C4orf46: variants seen among roughly 807,000 people sequenced by gnomAD.
The protein encoded by C4orf46 is renal cancer differentiation gene 1 protein.
A neutral mutation model predicts 9.1 loss-of-function variants in C4orf46; 8 were observed. That is an observed-to-expected ratio of 0.88 (90% confidence interval 0.52 to 1.59). The LOEUF (loss-of-function observed/expected upper bound fraction) is 1.59. Ranked by LOEUF, C4orf46 falls within the 40% of genes most tolerant of loss-of-function variation. The probability of loss-of-function intolerance (pLI) is 0.00; values close to 1 mark genes in which losing one functional copy is unlikely to be tolerated. For missense variants in C4orf46, 151 were observed against 139.1 expected (o/e 1.09, Z -0.43); for synonymous variants, 51 against 58.8 (o/e 0.87, Z 0.61).
chr4:158,670,023 CTTTT>C (rs767110704), intron 1 of C4orf46, among the ~76,000 whole-genome samples: 5 of 17,702 alleles, frequency 2.8e-4, no homozygotes, highest in African/African-American at 5.6e-4. Context: ...TAGTTGTTTT[CTTTT>C]TTTTTTTTTT....
At chr4:158,670,023 C>CTTTTTTTTTTTTTTTTTTTTTTTTT (rs767110704) in intron 1 of C4orf46, among the ~76,000 whole-genome samples, 2 of 17,676 alleles carry the variant, frequency 1.1e-4, no homozygotes, top group African/African-American at 2.2e-4. Context: ...TAGTTGTTTT[C>CTTTTTTTTTTTTTTTTTTTTTTTTT]TTTTTTTTTT....
At chr4:158,670,858 C>T (rs1773514602) in intron 1 of C4orf46, among the ~76,000 whole-genome samples, 1 of 152,146 alleles carries the variant, frequency 6.6e-6, no homozygotes, top group South Asian at 2.1e-4. Context: ...TTGACCCACT[C>T]AAGAGAACAT....
At position 158,668,143 on chromosome 4, in the gene C4orf46, T is replaced by TAC. The variant is rs1386497939; in HGVS notation, c.*1468_*1469dup. Reference sequence around the variant, plus strand: ...ATACACGGATTTTCTTGAAATCATTTACCTTTCCTATATCTTTGAAATATG... The same window carrying TAC: ...ATACACGGATTTTCTTGAAATCATTTACACCTTTCCTATATCTTTGAAATATG... On this transcript the variant is annotated 3_prime_UTR_variant, in exon 2 of 2. Coordinates refer to ENST00000379205, the MANE Select transcript of C4orf46 (RefSeq NM_001008393.4). 4 of 152,422 alleles carry TAC rather than the reference T, an allele frequency of 2.6e-5. No homozygotes were observed. Among genetic ancestry groups the TAC allele is most frequent in the African/African-American group, 9.6e-5 (4 of 41,462 alleles). The allele number at this position is 152,422 out of a possible 1,614,324, so 9.4% of individuals were successfully genotyped here. A position where few individuals can be genotyped will look rare whatever the true frequency, so the allele number is the denominator to read the frequency against.
chr4:158,669,823 T>C, intron 1 of C4orf46, 55 bp from the exon 2 acceptor site: 1 of 1,443,262 alleles, frequency 6.9e-7, no homozygotes, highest in Non-Finnish European at 9.4e-7. Flanking sequence ...TCTCATTTTA[T>C]AAGCAGGCTG....
chr4:158,672,032 T>C, upstream of C4orf46: 3 of 554,056 alleles, frequency 5.4e-6, no homozygotes, highest in Non-Finnish European at 9.6e-6. Context: ...GAGCCTCCAA[T>C]CGATCTCGAA....
chr4:158,671,878 A>G lies in C4orf46; in HGVS notation c.-77T>C. 1.6e-6 allele frequency: 2 copies of G among 1,243,090 alleles called. No individual in the cohort carries two copies. The highest frequency in any genetic ancestry group is 2.2e-6 in the Non-Finnish European group (2 of 924,150). 77.0% of individuals were successfully genotyped at this position (1,243,090 alleles called of 1,614,324 possible). A position where few individuals can be genotyped will look rare whatever the true frequency, so the allele number is the denominator to read the frequency against. ...ACTGTCTTTTAACCACTCGCGCCCAAAGCCGAAAGGCCCCGCCTCCTAACG... is the reference window on the plus strand; with the variant it reads ...ACTGTCTTTTAACCACTCGCGCCCAGAGCCGAAAGGCCCCGCCTCCTAACG... On this transcript the variant is annotated 5_prime_UTR_variant, in exon 1 of 2. Transcript: ENST00000379205.
rs1471453019 is a variant in C4orf46 at position 158,668,868 on chromosome 4, C to T, written c.*745G>A. 1 of 152,084 alleles carries T rather than the reference C, an allele frequency of 6.6e-6. No individual in the cohort carries two copies. Among genetic ancestry groups the T allele is most frequent in the Non-Finnish European group, 1.5e-5 (1 of 68,006 alleles). The allele number at this position is 152,084 out of a possible 1,614,324, so 9.4% of individuals were successfully genotyped here. ...TATGCATTCTTTCTAAACAGTCTTT[C>T]CCTTTCTGAAGTAAAGTCTTTAAAA... On this transcript the variant is annotated 3_prime_UTR_variant, in exon 2 of 2. Transcript: ENST00000379205.
Position 158,669,546 on chromosome 4 carries a change from A to G in C4orf46, c.*67T>C, listed in dbSNP as rs1773461402. 1.3e-6 allele frequency: 2 copies of G among 1,496,604 alleles called. No individual in the cohort carries two copies. The highest frequency in any genetic ancestry group is 1.8e-6 in the Non-Finnish European group (2 of 1,081,512). 92.7% of individuals were successfully genotyped at this position (1,496,604 alleles called of 1,614,324 possible). ...AGAGGTCATCCTATATGTGTGGTAC[A>G]TGTACAAAATATGACATAAGAAGTA... is the stretch of plus-strand genomic sequence containing the variant. On this transcript the variant is annotated 3_prime_UTR_variant, in exon 2 of 2. Coordinates refer to ENST00000379205, the MANE Select transcript of C4orf46 (RefSeq NM_001008393.4).
chr4:158,670,028 T>TC (rs1554030227), intron 1 of C4orf46, among the ~76,000 whole-genome samples: 1 of 113,142 alleles, frequency 8.8e-6, no homozygotes, highest in Non-Finnish European at 1.7e-5. Context: ...GTTTTCTTTT[T>TC]TTTTTTTTTT....
chr4:158,670,090 C>G (rs1477484682), intron 1 of C4orf46, among the ~76,000 whole-genome samples: 1 of 125,336 alleles, frequency 8.0e-6, no homozygotes, highest in South Asian at 2.8e-4. Context: ...ATGGCGCGAT[C>G]TTGGTTCACT....
At chr4:158,671,242 A>G (rs1773529690) in intron 1 of C4orf46, among the ~76,000 whole-genome samples, 1 of 152,154 alleles carries the variant, frequency 6.6e-6, no homozygotes, top group Non-Finnish European at 1.5e-5. Context: ...CATGCAATGA[A>G]AACTATTCTC....
chr4:158,671,995 A>C (rs1580386223), upstream of C4orf46: 1 of 561,400 alleles, frequency 1.8e-6, no homozygotes, highest in Non-Finnish European at 3.2e-6. Context: ...GAGTCAATTC[A>C]CCTTAGGCAA....
Position 158,671,757 on chromosome 4 carries a change from C to T in C4orf46, c.45G>A (p.Pro15=). The T allele has an allele frequency of 6.4e-7, 1 of 1,562,070 alleles. No homozygotes were observed. The highest frequency in any genetic ancestry group is 8.7e-7 in the Non-Finnish European group (1 of 1,153,472). ...CTGAAGAGGAGGGAGAAGAGGGAGG[C>T]GGCGGGGGCGGCGAAGAAACCTGCA... is the stretch of plus-strand genomic sequence containing the variant. ...EELQVSSPPP[P]PPSSPSSSDA... The change falls in exon 1 of 2, where the codon CCG becomes CCA. Residue 15 remains proline (P), a synonymous_variant. Transcript: ENST00000379205.
chr4:158,671,346 C>CTTT (rs1773536537), intron 1 of C4orf46, among the ~76,000 whole-genome samples: 1 of 152,012 alleles, frequency 6.6e-6, no homozygotes, highest in African/African-American at 2.4e-5. Context: ...GAAGGCGAGA[C>CTTT]AAAAAGAAAC....
rs371274678 is a variant in C4orf46, at chr4:158,667,082, A to G, written c.*2531T>C. On this transcript the variant is annotated 3_prime_UTR_variant, in exon 2 of 2. Coordinates refer to ENST00000379205, the MANE Select transcript of C4orf46 (RefSeq NM_001008393.4). ...GCACCTTTAGCTCGAAATAATCAGT[A>G]TGCCAAATCGGCATATTTGGGGGTG... 6 of 152,318 alleles carry G rather than the reference A, an allele frequency of 3.9e-5. No individual in the cohort carries two copies. The East Asian group carries it at 9.6e-4, about 24-fold the overall frequency. 9.4% of individuals were successfully genotyped at this position (152,318 alleles called of 1,614,324 possible).
intron 1 of C4orf46, 41 bp from the exon 2 acceptor site, chr4:158,669,809 C>T (rs1445345077): frequency 6.6e-7 from 1 of 1,509,552 alleles, no homozygotes; most frequent in Non-Finnish European, 9.0e-7. Context: ...TTTTAAAATT[C>T]TCATCTCATT....
intron 1 of C4orf46, among the ~76,000 whole-genome samples, chr4:158,670,026 T>TC (rs1773482221): frequency 1.6e-5 from 1 of 60,660 alleles, no homozygotes; most frequent in Non-Finnish European, 3.2e-5. Flanking sequence ...TTGTTTTCTT[T>TC]TTTTTTTTTT....
chr4:158,667,807 G>A lies in C4orf46; in HGVS notation c.*1806C>T, dbSNP rs1199885752. 2 of 152,198 alleles carry A rather than the reference G, an allele frequency of 1.3e-5. No individual in the cohort carries two copies. The highest frequency in any genetic ancestry group is 2.4e-5 in the African/African-American group (1 of 41,434). 9.4% of individuals were successfully genotyped at this position (152,198 alleles called of 1,614,324 possible). On this transcript the variant is annotated 3_prime_UTR_variant, in exon 2 of 2. Coordinates refer to ENST00000379205, the MANE Select transcript of C4orf46 (RefSeq NM_001008393.4). ...TCAGCACTGTAAAATGCAGGAGAAG[G>A]CTATACTGGGGCATGAACACCAGGA...
chr4:158,671,292 C>A (rs1453312580), intron 1 of C4orf46, among the ~76,000 whole-genome samples: 2 of 152,166 alleles, frequency 1.3e-5, no homozygotes, highest in African/African-American at 2.4e-5. Flanking sequence ...CAACAGGCAG[C>A]GCAGAGCTGC....
Sources: allele counts gnomAD v4.1 joint callset (sites outside exome capture counted in the v4.1 genomes callset), GRCh38; gene constraint gnomAD v4.1.1; transcripts MANE v1.5; gene names NCBI Gene and HGNC (gene_info 2026-07-23, HGNC 2026-07-21).